Variants in RALYL observed in about 807,000 individuals in gnomAD.
RALYL encodes RALY RNA binding protein like, also known as RNA-binding Raly-like protein.
Under a neutral mutation model 35.1 loss-of-function variants are expected in RALYL, and 29 were observed. The ratio of observed to expected loss-of-function variants is 0.83; its 90% CI spans 0.61 to 1.13. The LOEUF is 1.13. Among genes scored for constraint, RALYL ranks in the 50% most tolerant of loss-of-function variants. The pLI, the probability that RALYL is intolerant of heterozygous loss-of-function variation, is 0.00. For missense variants in RALYL, 359 were observed against 360.4 expected (o/e 1.00, Z 0.03); for synonymous variants, 120 against 127.6 (o/e 0.94, Z 0.40).
chr8:84,653,604 G>C (rs1024678466), intron 2 of RALYL, among the ~76,000 whole-genome samples: 35 of 151,814 alleles, frequency 2.3e-4, no homozygotes, highest in African/African-American at 8.5e-4. Flanking sequence ...TCTTCTAGTA[G>C]AGATCTCTGA....
chr8:84,519,842 CCAAA>C (rs1218374582), intron 1 of RALYL, among the ~76,000 whole-genome samples: 6 of 152,210 alleles, frequency 3.9e-5, no homozygotes, highest in Non-Finnish European at 7.3e-5. Context: ...AGGGATCTTT[CCAAA>C]TGGGTTTTGA....
At position 84,760,859 on chromosome 8, in the gene RALYL, C is replaced by G. The variant is rs557920149; in HGVS notation, c.257-13720C>G. Among the ~76,000 whole-genome samples the G allele has an allele frequency of 2.6e-5, 4 of 152,096 alleles. No individual in the cohort carries two copies. In the East Asian group the frequency reaches 7.7e-4, roughly 29 times the overall value. On this transcript the variant is annotated intron_variant, in intron 2 of 8. Coordinates refer to ENST00000521268, the MANE Select transcript of RALYL (RefSeq NM_173848.7). Reference sequence around the variant, plus strand: ...TTTGAAGGAAAAGGTTTTAATGGAGCTTCTATTTATAATTAGATAGTTATC... The same window carrying G: ...TTTGAAGGAAAAGGTTTTAATGGAGGTTCTATTTATAATTAGATAGTTATC...
intron 1 of RALYL, among the ~76,000 whole-genome samples, chr8:84,454,773 A>G (rs976881747): frequency 2.0e-5 from 3 of 152,086 alleles, no homozygotes; most frequent in Admixed American, 6.6e-5. Flanking sequence ...CACAACTTCT[A>G]TGGAAACAAA....
At chr8:84,867,648 T>G (rs1289734860) in intron 6 of RALYL, among the ~76,000 whole-genome samples, 1 of 152,228 alleles carries the variant, frequency 6.6e-6, no homozygotes, top group Non-Finnish European at 1.5e-5. Flanking sequence ...TTCTGTTACT[T>G]AGAAGACTGT....
At chr8:84,360,964 A>G (rs998407494) in intron 1 of RALYL, among the ~76,000 whole-genome samples, 1 of 117,848 alleles carries the variant, frequency 8.5e-6, no homozygotes, top group African/African-American at 3.2e-5. Flanking sequence ...GCAGTAAAGA[A>G]AAAAAAAAAA....
chr8:84,372,886 G>GTTTTTTTTTTTTT lies in RALYL; in HGVS notation c.-23-156396_-23-156384dup, dbSNP rs76885544. ...TTTCTCCACAACCATGCCAGCATCTGTTTTTTTTTTTTTTTTTTTTTTTTT... is the reference window on the plus strand; with the variant it reads ...TTTCTCCACAACCATGCCAGCATCTGTTTTTTTTTTTTTTTTTTTTTTTTTTTTTTTTTTTTTT... On this transcript the variant is annotated intron_variant, in intron 1 of 8. Transcript: ENST00000521268. Among the ~76,000 whole-genome samples the GTTTTTTTTTTTTT allele has an allele frequency of 5.7e-3, 224 of 39,076 alleles. 20 individuals carry two copies. Among genetic ancestry groups the GTTTTTTTTTTTTT allele is most frequent in the African/African-American group, 8.1e-3 (74 of 9,124 alleles). The allele number at this position is 39,076 out of a possible 152,430, so 25.6% of individuals were successfully genotyped here.
intron 1 of RALYL, among the ~76,000 whole-genome samples, chr8:84,328,206 A>G (rs553222557): frequency 6.6e-6 from 1 of 152,304 alleles, no homozygotes; most frequent in South Asian, 2.1e-4. Context: ...CTACTGAACA[A>G]CTGCAGAGAA....
At chr8:84,220,708 G>A (rs966019102) in intron 1 of RALYL, among the ~76,000 whole-genome samples, 2 of 151,764 alleles carry the variant, frequency 1.3e-5, no homozygotes, top group African/African-American at 4.8e-5. Flanking sequence ...AGTTTCTTTT[G>A]CAGTGAGTTT....
At chr8:84,839,536 C>G (rs4509320) in intron 4 of RALYL, among the ~76,000 whole-genome samples, 60,415 of 152,132 alleles carry the variant, frequency 0.4, 12,441 homozygotes, top group East Asian at 0.63. Flanking sequence ...GACTCCACCT[C>G]TGAGGGCAGG....
chr8:84,525,582 C>T (rs2058817377), intron 1 of RALYL, among the ~76,000 whole-genome samples: 1 of 151,992 alleles, frequency 6.6e-6, no homozygotes, highest in Admixed American at 6.6e-5. Context: ...TTTCTACTAG[C>T]TCCTTGGAGA....
At chr8:84,659,804 A>C (rs141360726) in intron 2 of RALYL, among the ~76,000 whole-genome samples, 1,880 of 152,314 alleles carry the variant, frequency 0.012, 17 homozygotes, top group Non-Finnish European at 0.02. Context: ...GCTATAAATG[A>C]ATGCATATGA....
chr8:84,193,403 G>A (rs1814468389), intron 1 of RALYL, among the ~76,000 whole-genome samples: 1 of 152,152 alleles, frequency 6.6e-6, no homozygotes, highest in East Asian at 1.9e-4. Flanking sequence ...AGGAGATGCT[G>A]GTTACGTCTC....
intron 2 of RALYL, among the ~76,000 whole-genome samples, 184 bp from the exon 3 acceptor site, chr8:84,774,395 G>A (rs557283018): frequency 6.6e-6 from 1 of 152,222 alleles, no homozygotes; most frequent in South Asian, 2.1e-4. Flanking sequence ...TCTGTTTTGT[G>A]CATGACATAT....
intron 1 of RALYL, among the ~76,000 whole-genome samples, chr8:84,448,498 T>G (rs2049091011): frequency 6.6e-6 from 1 of 152,030 alleles, no homozygotes; most frequent in Non-Finnish European, 1.5e-5. Flanking sequence ...AGTGCACCAC[T>G]TATGAAGAGA....
At chr8:84,868,858 C>T (rs1839666292) in intron 6 of RALYL, among the ~76,000 whole-genome samples, 1 of 152,016 alleles carries the variant, frequency 6.6e-6, no homozygotes, top group South Asian at 2.1e-4. Flanking sequence ...TAGCAAAATA[C>T]TTTAAAGTTT....
At chr8:84,305,423 A>C (rs1841592036) in intron 1 of RALYL, among the ~76,000 whole-genome samples, 1 of 152,230 alleles carries the variant, frequency 6.6e-6, no homozygotes, top group South Asian at 2.1e-4. Flanking sequence ...ATTAAAAAAC[A>C]GTTATCTTAA....
chr8:84,774,605 C>G lies in RALYL; in HGVS notation c.283C>G (p.Pro95Ala). 1 of 1,608,438 alleles carries G rather than the reference C, an allele frequency of 6.2e-7. No individual in the cohort carries two copies. The highest frequency in any genetic ancestry group is 8.5e-7 in the Non-Finnish European group (1 of 1,176,978). The stretch of plus-strand genomic sequence containing the variant: ...TATCAACATGGCAGGAGAGCCCAAA[C>G]CATACAGACCAAAACCTGGAAACAA... ...LDINMAGEPKPYRPKPGNKRP... is the reference protein window; with the variant it reads ...LDINMAGEPKAYRPKPGNKRP... The change falls in exon 3 of 9, where the codon CCA becomes GCA. Residue 95 changes from proline to alanine, a missense_variant. Transcript: ENST00000521268.
intron 1 of RALYL, among the ~76,000 whole-genome samples, chr8:84,265,444 T>C (rs967979927): frequency 3.3e-5 from 5 of 151,988 alleles, no homozygotes; most frequent in African/African-American, 4.8e-5. Context: ...AGGCAAGGAA[T>C]GGTGGGTGGC....
At chr8:84,824,482 C>T (rs1366911994) in intron 4 of RALYL, among the ~76,000 whole-genome samples, 1 of 151,824 alleles carries the variant, frequency 6.6e-6, no homozygotes. Flanking sequence ...AAACTACCAA[C>T]ATTATTTTTC....
Sources: gnomAD v4.1 joint callset for allele counts (sites outside exome capture counted in the v4.1 genomes callset) on GRCh38, gnomAD v4.1.1 for gene constraint, MANE v1.5 for transcripts, NCBI Gene and HGNC (gene_info 2026-07-23, HGNC 2026-07-21) for gene names.